The following CNTLN variants were observed in gnomAD, a reference collection of about 807,000 sequenced individuals.
CNTLN encodes the protein centlein, centrosomal protein.
CNTLN carries 212 observed loss-of-function variants against 180.0 expected under a neutral mutation model. That is an observed-to-expected ratio of 1.18 (90% CI 1.05 to 1.32). CNTLN has a LOEUF of 1.32. Ranked by LOEUF, CNTLN falls within the 40% of genes most tolerant of loss-of-function variation. The pLI is 0.00. For synonymous variants in CNTLN, 722 were observed against 563.1 expected (o/e 1.28, Z -3.99); for missense variants, 2,095 against 1,610.9 (o/e 1.30, Z -5.14).
At chr9:17,354,025 C>G (rs981580203) in intron 12 of CNTLN, among the ~76,000 whole-genome samples, 1 of 152,204 alleles carries the variant, frequency 6.6e-6, no homozygotes, top group African/African-American at 2.4e-5. Context: ...GCCCCGCACT[C>G]GGAGCAGCCG....
intron 13 of CNTLN, among the ~76,000 whole-genome samples, chr9:17,381,575 A>G (rs748892745): frequency 2.6e-5 from 4 of 152,228 alleles, no homozygotes; most frequent in African/African-American, 7.2e-5. Context: ...ACCCAGTCCC[A>G]AAATCAGTGC....
intron 16 of CNTLN, among the ~76,000 whole-genome samples, chr9:17,413,754 A>G (rs1828026918): frequency 6.6e-6 from 1 of 152,184 alleles, no homozygotes; most frequent in African/African-American, 2.4e-5. Context: ...GATCTCTCAT[A>G]TATTGTTCAT....
rs1011888656 is a variant in CNTLN, at chr9:17,258,599, C to T, written c.850-15134C>T. Among the ~76,000 whole-genome samples, 834 of 150,542 alleles carry T rather than the reference C, an allele frequency of 5.5e-3. 13 individuals are homozygous for T. Among genetic ancestry groups the T allele is most frequent in the African/African-American group, 5.8e-3 (232 of 40,150 alleles). On this transcript the variant is annotated intron_variant, in intron 5 of 25. Coordinates refer to ENST00000380647, the MANE Select transcript of CNTLN (RefSeq NM_017738.4). ...GGCCATTTTCACGATATTGATTCTT[C>T]CTACCCATGAACATGGAATGTTCTT...
At chr9:17,436,000 G>C (rs958461309) in intron 18 of CNTLN, among the ~76,000 whole-genome samples, 2 of 152,110 alleles carry the variant, frequency 1.3e-5, no homozygotes, top group Non-Finnish European at 2.9e-5. Flanking sequence ...GGGGATATAA[G>C]AGAAACAAAT....
chr9:17,306,751 C>G (rs770852632), intron 7 of CNTLN, among the ~76,000 whole-genome samples: 1 of 152,138 alleles, frequency 6.6e-6, no homozygotes, highest in African/African-American at 2.4e-5. Context: ...TATGTGAATT[C>G]TTTAATAATA....
chr9:17,252,617 G>A (rs908816598), intron 5 of CNTLN, among the ~76,000 whole-genome samples: 14 of 151,592 alleles, frequency 9.2e-5, no homozygotes, highest in Non-Finnish European at 1.6e-4. Context: ...TGAGTTCCTT[G>A]TCGATTCTAG....
intron 12 of CNTLN, among the ~76,000 whole-genome samples, chr9:17,348,584 G>A (rs1287690844): frequency 1.3e-5 from 2 of 148,896 alleles, no homozygotes; most frequent in Non-Finnish European, 3.0e-5. Flanking sequence ...AGGCTGCAGT[G>A]CAGTGGAGTG....
intron 7 of CNTLN, chr9:17,301,183 C>G (rs1230993177): frequency 1.0e-6 from 1 of 985,256 alleles, no homozygotes; most frequent in Non-Finnish European, 1.2e-6. Flanking sequence ...CTAGTTCAAA[C>G]CAGAAATTCC....
chr9:17,272,296 C>T (rs188576913), intron 5 of CNTLN, among the ~76,000 whole-genome samples: 21 of 152,084 alleles, frequency 1.4e-4, no homozygotes, highest in African/African-American at 4.3e-4. Flanking sequence ...AGGATAGTCT[C>T]GATCAGTTGA....
At chr9:17,526,064 T>C in the CNTLN span, among the ~76,000 whole-genome samples, 7 of 152,128 alleles carry the variant, frequency 4.6e-5, no homozygotes, top group Non-Finnish European at 8.8e-5. Flanking sequence ...GCCTCCTGAG[T>C]AGCTGAGACT....
intron 18 of CNTLN, among the ~76,000 whole-genome samples, chr9:17,422,624 T>G (rs1484373154): frequency 6.6e-6 from 1 of 152,200 alleles, no homozygotes; most frequent in Non-Finnish European, 1.5e-5. Flanking sequence ...CTCTGTGTTT[T>G]CTTGGTTCAT....
At chr9:17,208,655 T>A (rs1823084824) in intron 2 of CNTLN, among the ~76,000 whole-genome samples, 1 of 152,196 alleles carries the variant, frequency 6.6e-6, no homozygotes, top group South Asian at 2.1e-4. Flanking sequence ...TTGTTACTGG[T>A]CTGTTCAGGT....
intron 2 of CNTLN, among the ~76,000 whole-genome samples, chr9:17,173,660 C>G (rs1445165080): frequency 6.6e-6 from 1 of 151,898 alleles, no homozygotes; most frequent in Non-Finnish European, 1.5e-5. Flanking sequence ...TTCTTCTCAT[C>G]AAAACAAAGA....
intron 23 of CNTLN, among the ~76,000 whole-genome samples, chr9:17,483,479 A>C (rs1395725642): frequency 6.6e-6 from 1 of 152,222 alleles, no homozygotes; most frequent in Non-Finnish European, 1.5e-5. Flanking sequence ...CTGGAGATGC[A>C]AAAGTAATAT....
intron 15 of CNTLN, among the ~76,000 whole-genome samples, chr9:17,403,417 T>C (rs1241933523): frequency 6.6e-6 from 1 of 151,650 alleles, no homozygotes; most frequent in African/African-American, 2.4e-5. Context: ...CTGTTGAATA[T>C]TCAGCCTGTT....
chr9:17,309,080 G>T lies in CNTLN; in HGVS notation c.1169G>T (p.Cys390Phe), dbSNP rs1486256763. Residue 390 changes from cysteine to phenylalanine, a missense_variant, in exon 8 of 26, where the codon TGT becomes TTT. Transcript: ENST00000380647. Reference protein sequence around the residue: ...YQKLYNELHICFETTKSNEAM... With the variant: ...YQKLYNELHIFFETTKSNEAM... ...CAGCTTTACAATGAGTTACATATTT[G>T]TTTTGAAACCACAAAATCAAATGAA... 1 of 1,588,832 alleles carries T rather than the reference G, an allele frequency of 6.3e-7. No homozygotes were observed. The highest frequency in any genetic ancestry group is 8.5e-7 in the Non-Finnish European group (1 of 1,172,066).
Position 17,409,443 on chromosome 9 carries a change from A to T in CNTLN, c.2766A>T (p.Thr922=). ...SQTQGKEIVQ[T]YLNIDGKTPK... is the part of the protein sequence containing the mutation. ...CACAAGGAAAAGAAATAGTACAGAC[A>T]TATTTAAATATAGATGGCAAGACCC... Residue 922 remains threonine, a synonymous_variant, in exon 16 of 26, where the codon ACA becomes ACT. Transcript: ENST00000380647. 1 of 1,604,522 alleles carries T rather than the reference A, an allele frequency of 6.2e-7. No individual in the cohort carries two copies. Among genetic ancestry groups the T allele is most frequent in the Non-Finnish European group, 8.5e-7 (1 of 1,177,678 alleles).
intron 2 of CNTLN, among the ~76,000 whole-genome samples, chr9:17,145,285 G>C (rs1818379855): frequency 6.6e-6 from 1 of 152,092 alleles, no homozygotes; most frequent in South Asian, 2.1e-4. Flanking sequence ...GAGATACTTT[G>C]GATTTTGAGT....
intron 18 of CNTLN, among the ~76,000 whole-genome samples, chr9:17,425,180 C>T (rs777767112): frequency 6.6e-6 from 1 of 152,050 alleles, no homozygotes; most frequent in Non-Finnish European, 1.5e-5. Flanking sequence ...TGTATTATTG[C>T]TACAGACTGA....
Sources: gnomAD v4.1 joint callset for allele counts (sites outside exome capture counted in the v4.1 genomes callset) on GRCh38, gnomAD v4.1.1 for gene constraint, MANE v1.5 for transcripts, NCBI Gene and HGNC (gene_info 2026-07-23, HGNC 2026-07-21) for gene names.